TIAM1: variants seen among roughly 807,000 people sequenced by gnomAD.
TIAM1 encodes the protein TIAM Rac1 associated GEF 1.
In TIAM1, 65 loss-of-function variants were observed where a neutral mutation model predicts 163.5. That is an observed-to-expected ratio of 0.40 (90% CI 0.33 to 0.49). The LOEUF is 0.49. Ranked by LOEUF, TIAM1 falls within the 20% of genes least tolerant of loss-of-function variation. The pLI, the probability that TIAM1 is intolerant of heterozygous loss-of-function variation, is 0.77. For synonymous variants in TIAM1, 833 were observed against 810.1 expected (o/e 1.03, Z -0.48); for missense variants, 1,789 against 2,044.7 (o/e 0.87, Z 2.41).
chr21:31,446,533 A>G (rs1179021398), intron 2 of TIAM1, among the ~76,000 whole-genome samples: 2 of 152,234 alleles, frequency 1.3e-5, no homozygotes, highest in Non-Finnish European at 2.9e-5. Flanking sequence ...CTGCAAGGTC[A>G]GTGTTTATGG....
chr21:31,423,857 GGGGGGC>G lies in TIAM1; in HGVS notation c.-369+40120_-369+40125del, dbSNP rs1232538826. ...AAGAAAGTAAATTAATGATTATCGG[GGGGGGC>G]GGGGGGGGGGTCAAGGGAGTTGGGG... On this transcript the variant is annotated intron_variant, in intron 2 of 28. Coordinates refer to the TIAM1 transcript ENST00000286827. 4.1e-3 allele frequency among the ~76,000 whole-genome samples: 475 copies of G among 116,262 alleles called. 9 individuals are homozygous for G. Among genetic ancestry groups the G allele is most frequent in the African/African-American group, 0.021 (435 of 21,044 alleles). The allele number at this position is 116,262 out of a possible 152,430, so 76.3% of individuals were successfully genotyped here.
chr21:31,200,453 C>T (rs987483224), intron 12 of TIAM1, among the ~76,000 whole-genome samples: 2 of 152,180 alleles, frequency 1.3e-5, no homozygotes, highest in African/African-American at 4.8e-5. Flanking sequence ...GTGCCTGTGA[C>T]TCCGTCACGA....
At chr21:31,429,346 A>G (rs1404551743) in intron 2 of TIAM1, among the ~76,000 whole-genome samples, 1 of 152,200 alleles carries the variant, frequency 6.6e-6, no homozygotes, top group Non-Finnish European at 1.5e-5. Flanking sequence ...GGCAACATCT[A>G]AAGACTCAAA....
intron 13 of TIAM1, among the ~76,000 whole-genome samples, chr21:31,191,208 C>T (rs544903839): frequency 2.0e-5 from 3 of 152,048 alleles, no homozygotes; most frequent in South Asian, 4.2e-4. Context: ...TGTCACCAGG[C>T]GGGAGTGCAG....
intron 2 of TIAM1, among the ~76,000 whole-genome samples, chr21:31,379,353 C>A (rs150731011): frequency 1.3e-5 from 2 of 152,132 alleles, no homozygotes; most frequent in African/African-American, 4.8e-5. Context: ...CAATTCCCCA[C>A]GAATACCAAG....
intron 2 of TIAM1, among the ~76,000 whole-genome samples, chr21:31,415,312 T>G (rs2043334247): frequency 6.6e-6 from 1 of 152,240 alleles, no homozygotes; most frequent in Non-Finnish European, 1.5e-5. Flanking sequence ...TAGCTGCCAA[T>G]GAAGCAGGTG....
At chr21:31,217,293 G>A (rs188796006) in intron 9 of TIAM1, among the ~76,000 whole-genome samples, 13 of 152,236 alleles carry the variant, frequency 8.5e-5, no homozygotes, top group Admixed American at 2.0e-4. Context: ...TGAATTGTGC[G>A]CTTTGAGTAG....
At chr21:31,239,238 T>G (rs2146692541) in intron 6 of TIAM1, among the ~76,000 whole-genome samples, 1 of 152,192 alleles carries the variant, frequency 6.6e-6, no homozygotes, top group Non-Finnish European at 1.5e-5. Flanking sequence ...TCCTCCCACC[T>G]CAGCCTCTCA....
chr21:31,306,103 C>A (rs548355462), intron 2 of TIAM1, among the ~76,000 whole-genome samples: 2 of 143,984 alleles, frequency 1.4e-5, no homozygotes, highest in Non-Finnish European at 1.5e-5. Flanking sequence ...TGGCAACCCA[C>A]CAAGACCTCA....
intron 2 of TIAM1, among the ~76,000 whole-genome samples, chr21:31,318,541 C>T (rs2075203529): frequency 6.6e-6 from 1 of 152,222 alleles, no homozygotes; most frequent in Non-Finnish European, 1.5e-5. Context: ...AGAGACTCTA[C>T]TCTGTATATA....
In TIAM1 at chr21:31,152,627, A is replaced by G. The variant is rs771874764; in HGVS notation, c.3366+9T>C. The G allele has an allele frequency of 1.9e-6, 3 of 1,614,018 alleles. No individual in the cohort carries two copies. The highest frequency in any genetic ancestry group is 1.1e-5 in the South Asian group (1 of 91,038). The stretch of plus-strand genomic sequence containing the variant: ...GCCCTGACGCTGGAGGCAGCTTTGC[A>G]CTATTTACCTTAAATTGATCAACCT... On this transcript the variant is annotated intron_variant, in intron 19 of 27. Coordinates refer to ENST00000541036, the MANE Select transcript of TIAM1 (RefSeq NM_001353694.2).
At chr21:31,213,538 G>A in intron 9 of TIAM1, 66 bp from the exon 10 acceptor site, 3 of 1,429,080 alleles carry the variant, frequency 2.1e-6, no homozygotes, top group Non-Finnish European at 3.0e-6. Flanking sequence ...ACGTAGGAAG[G>A]GGGAAGGAAA....
At chr21:31,448,974 G>T (rs956243173) in intron 2 of TIAM1, among the ~76,000 whole-genome samples, 4 of 150,616 alleles carry the variant, frequency 2.7e-5, no homozygotes, top group Non-Finnish European at 5.9e-5. Flanking sequence ...GCTTGTTTTG[G>T]TTTTTTTTTC....
intron 5 of TIAM1, among the ~76,000 whole-genome samples, chr21:31,246,830 A>T (rs2071526376): frequency 6.6e-6 from 1 of 152,038 alleles, no homozygotes; most frequent in African/African-American, 2.4e-5. Context: ...CACTTATTTC[A>T]CATTTTTTTT....
chr21:31,274,277 T>G (rs1463292975), intron 3 of TIAM1, among the ~76,000 whole-genome samples: 1 of 152,042 alleles, frequency 6.6e-6, no homozygotes, highest in Non-Finnish European at 1.5e-5. Context: ...CAACCCTATA[T>G]GACCCAAGAT....
chr21:31,323,981 C>T (rs1861439630), intron 2 of TIAM1, among the ~76,000 whole-genome samples: 1 of 150,088 alleles, frequency 6.7e-6, no homozygotes, highest in Admixed American at 6.6e-5. Flanking sequence ...TCATTCCAGC[C>T]TGGGCAACGG....
intron 1 of TIAM1, among the ~76,000 whole-genome samples, chr21:31,543,813 C>A (rs142838139): frequency 6.6e-6 from 1 of 152,152 alleles, no homozygotes; most frequent in East Asian, 1.9e-4. Flanking sequence ...CCATAGCCAC[C>A]GAAAGTTTAA....
At chr21:31,263,951 G>C (rs539846273) in intron 4 of TIAM1, among the ~76,000 whole-genome samples, 1 of 152,078 alleles carries the variant, frequency 6.6e-6, no homozygotes, top group Non-Finnish European at 1.5e-5. Context: ...AGTAGCCCTC[G>C]CAGGGTAGAC....
intron 1 of TIAM1, among the ~76,000 whole-genome samples, chr21:31,550,758 G>T (rs1408804652): frequency 6.6e-6 from 1 of 152,160 alleles, no homozygotes; most frequent in Non-Finnish European, 1.5e-5. Flanking sequence ...ACGGAGCTGG[G>T]GGTAGAGCCA....
Sources: gnomAD v4.1 joint callset for allele counts (sites outside exome capture counted in the v4.1 genomes callset) on GRCh38, gnomAD v4.1.1 for gene constraint, MANE v1.5 for transcripts, NCBI Gene and HGNC (gene_info 2026-07-23, HGNC 2026-07-21) for gene names.